The following ELF1 variants were observed in gnomAD, a reference collection of about 807,000 sequenced individuals.
ELF1 encodes the protein E74 like ETS transcription factor 1.
A neutral mutation model predicts 59.9 loss-of-function variants in ELF1; 24 were observed. The ratio of observed to expected loss-of-function variants is 0.40; its 90% CI spans 0.29 to 0.56. The LOEUF (loss-of-function observed/expected upper bound fraction) is 0.56. Among genes scored for constraint, ELF1 ranks in the 20% least tolerant of loss-of-function variants. ELF1 has a pLI of 0.44. For synonymous variants in ELF1, 248 were observed against 266.2 expected, an observed-to-expected ratio of 0.93 and a Z score of 0.67; for missense variants, 627 against 742.2, an observed-to-expected ratio of 0.84 and a Z score of 1.80.
intron 1 of ELF1, among the ~76,000 whole-genome samples, chr13:40,983,486 G>A (rs1873392714): frequency 2.0e-5 from 3 of 152,122 alleles, no homozygotes; most frequent in Non-Finnish European, 2.9e-5. Flanking sequence ...GGATGACTGT[G>A]ATTTTCCTAG....
chr13:41,051,854 A>G (rs567179997), intron 1 of ELF1, among the ~76,000 whole-genome samples: 3 of 152,262 alleles, frequency 2.0e-5, no homozygotes, highest in Non-Finnish European at 1.5e-5. Context: ...TTGCATACAC[A>G]CAAAATTTAT....
chr13:41,012,366 G>A (rs1875119245), intron 1 of ELF1, among the ~76,000 whole-genome samples: 1 of 149,040 alleles, frequency 6.7e-6, no homozygotes, highest in African/African-American at 2.5e-5. Flanking sequence ...AACCAAAGAG[G>A]ATTCATCTAT....
At chr13:41,012,230 T>C (rs1293693412) in intron 1 of ELF1, among the ~76,000 whole-genome samples, 1 of 147,344 alleles carries the variant, frequency 6.8e-6, no homozygotes, top group East Asian at 2.0e-4. Context: ...GCAGAATCAC[T>C]TGAACCCAGG....
At chr13:40,971,707 C>T (rs935352675) in intron 2 of ELF1, among the ~76,000 whole-genome samples, 1 of 152,206 alleles carries the variant, frequency 6.6e-6, no homozygotes, top group African/African-American at 2.4e-5. Flanking sequence ...TTAACAAAGT[C>T]TAATCCTAGT....
chr13:40,948,351 T>C (rs1339545452), intron 5 of ELF1, among the ~76,000 whole-genome samples: 1 of 152,180 alleles, frequency 6.6e-6, no homozygotes, highest in East Asian at 1.9e-4. Flanking sequence ...CAAGAGGGTA[T>C]ATCCCTTCAA....
intron 1 of ELF1, among the ~76,000 whole-genome samples, chr13:41,058,470 T>G (rs1308465790): frequency 6.6e-6 from 1 of 152,238 alleles, no homozygotes; most frequent in Admixed American, 6.5e-5. Flanking sequence ...CCAGTAGCAC[T>G]TCTACAACTC....
chr13:40,948,279 G>A (rs984610518), intron 5 of ELF1, among the ~76,000 whole-genome samples: 7 of 152,222 alleles, frequency 4.6e-5, no homozygotes, highest in African/African-American at 1.7e-4. Context: ...TCAGAGGCCT[G>A]GCTGAATGGG....
chr13:41,026,486 G>A (rs1795612566), intron 1 of ELF1, among the ~76,000 whole-genome samples: 1 of 152,162 alleles, frequency 6.6e-6, no homozygotes, highest in Non-Finnish European at 1.5e-5. Context: ...TGCCACTTGG[G>A]CCATATGACC....
chr13:40,955,076 G>A (rs1871152021), intron 3 of ELF1, among the ~76,000 whole-genome samples: 1 of 150,568 alleles, frequency 6.6e-6, no homozygotes, highest in African/African-American at 2.4e-5. Context: ...TCTGGGATGT[G>A]AGGAGCGTCT....
intron 1 of ELF1, among the ~76,000 whole-genome samples, chr13:41,012,959 A>C (rs1457146319): frequency 6.6e-6 from 1 of 152,202 alleles, no homozygotes; most frequent in African/African-American, 2.4e-5. Context: ...ATAATTGGGA[A>C]CATGTATTTA....
At chr13:40,963,820 T>C (rs140276670) in intron 2 of ELF1, among the ~76,000 whole-genome samples, 1,994 of 151,776 alleles carry the variant, frequency 0.013, 61 homozygotes, top group African/African-American at 0.045. Flanking sequence ...GGCAGGAGAA[T>C]CACTTAACCC....
At chr13:41,021,184 G>A (rs1377777781), upstream of ELF1, among the ~76,000 whole-genome samples, 1 of 152,150 alleles carries the variant, frequency 6.6e-6, no homozygotes, top group African/African-American at 2.4e-5. Context: ...TATCTAAAAG[G>A]ATAAGCTTCT....
chr13:40,956,516 C>T lies in ELF1; in HGVS notation c.253+2320G>A, dbSNP rs1028798193. 6.8e-5 allele frequency among the ~76,000 whole-genome samples: 10 copies of T among 148,118 alleles called. No individual in the cohort carries two copies. The East Asian group carries it at 9.9e-4, about 15-fold the overall frequency. ...CACTTATCTGCTGACCTTCCCTCCA[C>T]TATTGTCCTGTGACCCTGCCAAATC... On this transcript the variant is annotated intron_variant, in intron 3 of 8. Transcript: ENST00000239882.
chr13:40,997,508 G>C (rs1288046662), intron 1 of ELF1, among the ~76,000 whole-genome samples: 1 of 151,682 alleles, frequency 6.6e-6, no homozygotes, highest in Non-Finnish European at 1.5e-5. Context: ...CACCCACCTT[G>C]GCCTCCCAAA....
rs55938711 is a variant in ELF1 at position 41,000,237 on chromosome 13, C to CT, written c.-228-17956dup. Among the ~76,000 whole-genome samples, 36 of 54,750 alleles carry CT rather than the reference C, an allele frequency of 6.6e-4. 5 individuals carry two copies. The highest frequency in any genetic ancestry group is 1.2e-3 in the African/African-American group (15 of 12,986). 35.9% of individuals were successfully genotyped at this position (54,750 alleles called of 152,430 possible). ...CCAAATGAGGCTGCATTGAACCTGG[C>CT]TTTTTTTTTTTTTTTTTTTTTTTTT... On this transcript the variant is annotated intron_variant, in intron 1 of 8. Coordinates refer to ENST00000239882, the MANE Select transcript of ELF1 (RefSeq NM_172373.4).
At chr13:40,976,180 AGGAAAGCATTCT>A (rs1314875707) in intron 2 of ELF1, among the ~76,000 whole-genome samples, 1 of 152,228 alleles carries the variant, frequency 6.6e-6, no homozygotes, top group Non-Finnish European at 1.5e-5. Context: ...GTGGGGAAGC[AGGAAAGCATTCT>A]GGAAAATTAC....
At chr13:40,954,588 C>G (rs1871092485) in intron 3 of ELF1, among the ~76,000 whole-genome samples, 1 of 152,054 alleles carries the variant, frequency 6.6e-6, no homozygotes, top group South Asian at 2.1e-4. Flanking sequence ...CCTGCGATTG[C>G]AGGCGCGCGC....
At position 41,038,168 on chromosome 13, in the gene ELF1, C is replaced by A. The variant is rs573817976; in HGVS notation, c.-229+22670G>T. Among the ~76,000 whole-genome samples the A allele has an allele frequency of 2.6e-5, 4 of 151,552 alleles. No individual in the cohort carries two copies. In the South Asian group the frequency reaches 8.4e-4, roughly 32 times the overall value. ...AGGACAGGATGTAAAATAAAAAGAT[C>A]TGATATTACATATAAACTTAGATAA... On this transcript the variant is annotated intron_variant, in intron 1 of 1. Coordinates refer to the ELF1 transcript ENST00000405737.
intron 1 of ELF1, among the ~76,000 whole-genome samples, chr13:40,987,622 G>T (rs1873630106): frequency 6.9e-6 from 1 of 145,050 alleles, no homozygotes; most frequent in African/African-American, 2.6e-5. Context: ...AATTAATAAA[G>T]AGAATCAATC....
Sources: allele counts gnomAD v4.1 joint callset (sites outside exome capture counted in the v4.1 genomes callset), GRCh38; gene constraint gnomAD v4.1.1; transcripts MANE v1.5; gene names NCBI Gene and HGNC (gene_info 2026-07-23, HGNC 2026-07-21).